The following DDX42 variants were observed in gnomAD, a reference collection of about 807,000 sequenced individuals.
The protein encoded by DDX42 is DEAD-box helicase 42, also known as ATP-dependent RNA helicase DDX42.
Under a neutral mutation model 101.5 loss-of-function variants are expected in DDX42, and 22 were observed. The ratio of observed to expected loss-of-function variants is 0.22; its 90% confidence interval spans 0.15 to 0.31. DDX42 has a LOEUF of 0.31. Ranked by LOEUF, DDX42 falls within the 10% of genes least tolerant of loss-of-function variation. DDX42 has a pLI of 1.00. For missense variants in DDX42, 849 were observed against 1,199.9 expected, an observed-to-expected ratio of 0.71 and a Z score of 4.32; for synonymous variants, 402 against 401.2, an observed-to-expected ratio of 1.00 and a Z score of -0.02.
intron 1 of DDX42, 46 bp from the exon 2 acceptor site, chr17:63,786,988 C>T (rs2039554932): frequency 6.2e-7 from 1 of 1,601,472 alleles, no homozygotes; most frequent in Non-Finnish European, 8.5e-7. Flanking sequence ...TGGGGCTATA[C>T]ACTTTTTTAA....
intron 13 of DDX42, 58 bp downstream of exon 13, chr17:63,811,231 C>T: frequency 8.1e-7 from 1 of 1,235,558 alleles, no homozygotes; most frequent in Non-Finnish European, 1.1e-6. Context: ...TATTATGGAA[C>T]ACAGAATTAA....
chr17:63,787,321 A>G, intron 2 of DDX42, 51 bp downstream of exon 2: 2 of 1,560,262 alleles, frequency 1.3e-6, no homozygotes, highest in African/African-American at 2.7e-5. Flanking sequence ...TGATATATTC[A>G]TTCTATCAGC....
rs1174067409 is a variant in DDX42, at chr17:63,818,077, A to C, written c.2496A>C (p.Pro832=). Residue 832 remains proline (P), a synonymous_variant, in exon 18 of 18, where the codon CCA becomes CCC. Transcript: ENST00000389924. ...GETGNRHSDS[P]RHGDGGRHGD... is the part of the protein sequence containing the mutation. Reference sequence around the variant, plus strand: ...CTGGCAATCGGCATAGCGATAGTCCACGTCACGGAGATGGTGGTCGCCATG... The same window carrying C: ...CTGGCAATCGGCATAGCGATAGTCCCCGTCACGGAGATGGTGGTCGCCATG... 1 of 1,613,938 alleles carries C rather than the reference A, an allele frequency of 6.2e-7. No individual in the cohort carries two copies. Among genetic ancestry groups the C allele is most frequent in the African/African-American group, 1.3e-5 (1 of 74,914 alleles).
At position 63,789,546 on chromosome 17, in the gene DDX42, C is replaced by CGTTTTTTTTTTTTTTTTTT. The variant is rs138224520; in HGVS notation, c.221+2276_221+2277insGTTTTTTTTTTTTTTTTTT. Among the ~76,000 whole-genome samples, 2 of 121,848 alleles carry CGTTTTTTTTTTTTTTTTTT rather than the reference C, an allele frequency of 1.6e-5. 1 individual carries two copies. Among genetic ancestry groups the CGTTTTTTTTTTTTTTTTTT allele is most frequent in the South Asian group, 5.3e-4 (2 of 3,742 alleles). The allele number at this position is 121,848 out of a possible 152,430, so 79.9% of individuals were successfully genotyped here. On this transcript the variant is annotated intron_variant, in intron 2 of 17. Transcript: ENST00000389924. ...ATTGGAAAAAAAAGCTTCTAAAAGACTTTTTTGTTTTTGTTTTTGTTTTTG... is the reference window on the plus strand; with the variant it reads ...ATTGGAAAAAAAAGCTTCTAAAAGACGTTTTTTTTTTTTTTTTTTTTTTTTGTTTTTGTTTTTGTTTTTG...
At chr17:63,804,817 A>G (rs760927268) in intron 6 of DDX42, among the ~76,000 whole-genome samples, 11 of 152,156 alleles carry the variant, frequency 7.2e-5, no homozygotes, top group Non-Finnish European at 1.5e-4. Flanking sequence ...CCACTGCACT[A>G]CAGCCTGGGT....
intron 2 of DDX42, among the ~76,000 whole-genome samples, chr17:63,787,688 A>G (rs1386093737): frequency 6.6e-6 from 1 of 151,852 alleles, no homozygotes; most frequent in African/African-American, 2.4e-5. Flanking sequence ...AATACAAAAC[A>G]TTAGCCAGGC....
rs193132527 is a variant in DDX42 at position 63,786,747 on chromosome 17, A to G, written c.-16-287A>G. 5.3e-3 allele frequency among the ~76,000 whole-genome samples: 812 copies of G among 152,354 alleles called. 5 individuals are homozygous for G. Among genetic ancestry groups the G allele is most frequent in the African/African-American group, 0.018 (741 of 41,582 alleles). ...GGCTGGAGTGCAGTGGCACGATCTC[A>G]GCTCACTGCAACCTCCGCCTCTCAG... On this transcript the variant is annotated intron_variant, in intron 1 of 17. Coordinates refer to ENST00000389924, the MANE Select transcript of DDX42 (RefSeq NM_203499.3).
In DDX42 at chr17:63,818,088, ATGG is replaced by A. The variant is rs1273645196; in HGVS notation, c.2512_2514del (p.Gly838del). 3.7e-6 allele frequency: 6 copies of A among 1,613,852 alleles called. No homozygotes were observed. Among genetic ancestry groups the A allele is most frequent in the Admixed American group, 1.7e-5 (1 of 59,996 alleles). ...CATAGCGATAGTCCACGTCACGGAGATGGTGGTCGCCATGGAGATGGATACCGC... is the reference window on the plus strand; with the variant it reads ...CATAGCGATAGTCCACGTCACGGAGATGGTCGCCATGGAGATGGATACCGC... On this transcript the variant is annotated inframe_deletion, in exon 18 of 18. Coordinates refer to ENST00000389924, the MANE Select transcript of DDX42 (RefSeq NM_203499.3).
chr17:63,781,342 T>A (rs1018463192), intron 1 of DDX42, among the ~76,000 whole-genome samples: 1 of 152,090 alleles, frequency 6.6e-6, no homozygotes, highest in Admixed American at 6.5e-5. Flanking sequence ...CTCAGCCTCC[T>A]GAGTAGCCGG....
At chr17:63,777,526 C>T (rs1172116191) in intron 1 of DDX42, among the ~76,000 whole-genome samples, 4 of 150,824 alleles carry the variant, frequency 2.7e-5, no homozygotes, top group South Asian at 2.1e-4. Flanking sequence ...TGGCTCACTG[C>T]AAGCTCCGTC....
chr17:63,806,335 T>C, intron 7 of DDX42, 200 bp from the exon 8 acceptor site: 1 of 390,854 alleles, frequency 2.6e-6, no homozygotes, highest in Non-Finnish European at 4.4e-6. Context: ...TTGGGAATAT[T>C]TATCATGGAG....
chr17:63,785,248 C>T (rs1449999799), intron 1 of DDX42, among the ~76,000 whole-genome samples: 1 of 144,438 alleles, frequency 6.9e-6, no homozygotes, highest in African/African-American at 2.6e-5. Flanking sequence ...GTGGGTGGAT[C>T]ACTTGAGGCC....
chr17:63,795,693 T>C (rs531044842), intron 3 of DDX42, among the ~76,000 whole-genome samples: 1 of 152,298 alleles, frequency 6.6e-6, no homozygotes, highest in East Asian at 1.9e-4. Context: ...CTATCAGATA[T>C]CAGAAAACAA....
At chr17:63,780,572 A>G (rs2039475929) in intron 1 of DDX42, among the ~76,000 whole-genome samples, 1 of 152,188 alleles carries the variant, frequency 6.6e-6, no homozygotes, top group Non-Finnish European at 1.5e-5. Context: ...TCATAGAGCT[A>G]ACATTCTACT....
chr17:63,811,746 G>C (rs2039912811), intron 13 of DDX42, 186 bp from the exon 14 acceptor site: 1 of 714,394 alleles, frequency 1.4e-6, no homozygotes, highest in Admixed American at 2.3e-5. Flanking sequence ...ATGTACACCA[G>C]GTGGAGAGCA....
At chr17:63,791,511 A>G (rs146099551) in intron 2 of DDX42, among the ~76,000 whole-genome samples, 1,715 of 152,118 alleles carry the variant, frequency 0.011, 27 homozygotes, top group African/African-American at 0.04. Flanking sequence ...GGGTTTCACC[A>G]TGTTGGCTGG....
intron 2 of DDX42, among the ~76,000 whole-genome samples, chr17:63,791,257 T>C (rs901605732): frequency 1.3e-5 from 2 of 152,218 alleles, no homozygotes; most frequent in African/African-American, 4.8e-5. Context: ...GAAGATGTCC[T>C]TTCTGAATAC....
At chr17:63,809,079 T>TG (rs1350411129) in intron 10 of DDX42, 131 bp downstream of exon 10, 1 of 1,324,502 alleles carries the variant, frequency 7.6e-7, no homozygotes, top group African/African-American at 1.5e-5. Flanking sequence ...CGGCAGGCTG[T>TG]GGTTTTAATT....
At chr17:63,811,763 T>C (rs2144584846) in intron 13 of DDX42, 169 bp from the exon 14 acceptor site, 1 of 781,056 alleles carries the variant, frequency 1.3e-6, no homozygotes, top group South Asian at 1.6e-5. Flanking sequence ...AGCAAGGTGA[T>C]TGGAAAGGAG....
Sources: allele counts gnomAD v4.1 joint callset (sites outside exome capture counted in the v4.1 genomes callset), GRCh38; gene constraint gnomAD v4.1.1; transcripts MANE v1.5; gene names NCBI Gene and HGNC (gene_info 2026-07-23, HGNC 2026-07-21).